The following PTCSC3 variants were observed in gnomAD, a reference collection of about 807,000 sequenced individuals.
The protein encoded by PTCSC3 is papillary thyroid carcinoma susceptibility candidate 3 (non-protein coding).
chr14:36,167,200 T>A (rs1248319375), intron 1 of PTCSC3, among the ~76,000 whole-genome samples: 1 of 152,214 alleles, frequency 6.6e-6, no homozygotes, highest in African/African-American at 2.4e-5. Flanking sequence ...AGATGATTAA[T>A]CCTATTTCTG....
chr14:36,162,966 C>G (rs1882001172), intron 1 of PTCSC3, among the ~76,000 whole-genome samples: 1 of 151,378 alleles, frequency 6.6e-6, no homozygotes, highest in African/African-American at 2.4e-5. Context: ...GGATGGTAGT[C>G]TTTTTTCTTT....
chr14:36,143,184 G>C (rs1399272772), intron 3 of PTCSC3, among the ~76,000 whole-genome samples: 1 of 148,220 alleles, frequency 6.7e-6, no homozygotes, highest in Non-Finnish European at 1.5e-5. Context: ...GTAATGGGAT[G>C]GCTGGGTCAA....
At position 36,156,854 on chromosome 14, in the gene PTCSC3, A is replaced by G. The variant is rs139217830; in HGVS notation, n.232-2960T>C. 2.4e-3 allele frequency among the ~76,000 whole-genome samples: 372 copies of G among 152,268 alleles called. 3 individuals are homozygous for G. Among genetic ancestry groups the G allele is most frequent in the African/African-American group, 8.3e-3 (346 of 41,540 alleles). On this transcript the variant is annotated intron_variant and non_coding_transcript_variant, in intron 2 of 3. Transcript: ENST00000556013. ...TTGGTTCCAAGTGTTTGCTGTTGTG[A>G]ACAGTGCCACAATAAACATGCATGT...
intron 3 of PTCSC3, among the ~76,000 whole-genome samples, chr14:36,151,507 T>C (rs984034655): frequency 6.6e-6 from 1 of 152,244 alleles, no homozygotes; most frequent in African/African-American, 2.4e-5. Context: ...TCCCATTATA[T>C]GTATGTTGTA....
chr14:36,171,674 A>G (rs1375646300), intron 1 of PTCSC3, among the ~76,000 whole-genome samples: 3 of 152,046 alleles, frequency 2.0e-5, no homozygotes, highest in Admixed American at 6.6e-5. Context: ...ATCAGTTTCA[A>G]CCCCGGGGGA....
intron 1 of PTCSC3, among the ~76,000 whole-genome samples, chr14:36,170,457 C>T (rs1353464947): frequency 6.6e-6 from 1 of 152,126 alleles, no homozygotes; most frequent in African/African-American, 2.4e-5. Context: ...ATACCCTACT[C>T]CTACTGTACT....
chr14:36,170,235 T>G (rs373784435), intron 1 of PTCSC3, among the ~76,000 whole-genome samples: 16 of 152,030 alleles, frequency 1.1e-4, no homozygotes, highest in Admixed American at 1.3e-4. Context: ...GAATTTCCCA[T>G]GTTCGCATTA....
At chr14:36,143,103 T>C (rs150467221) in intron 3 of PTCSC3, among the ~76,000 whole-genome samples, 64,458 of 148,696 alleles carry the variant, frequency 0.43, 16,193 homozygotes, top group Non-Finnish European at 0.57. Flanking sequence ...TTGTGAATAG[T>C]GCCGCAATAA....
chr14:36,160,238 T>C (rs1410793174), intron 2 of PTCSC3, among the ~76,000 whole-genome samples: 1 of 152,194 alleles, frequency 6.6e-6, no homozygotes, highest in African/African-American at 2.4e-5. Flanking sequence ...TTAAGGTTAA[T>C]ATTGTTATGT....
At chr14:36,152,048 G>C (rs1167620816) in intron 3 of PTCSC3, among the ~76,000 whole-genome samples, 1 of 135,224 alleles carries the variant, frequency 7.4e-6, no homozygotes, top group Non-Finnish European at 1.6e-5. Context: ...CTCTTGTTGT[G>C]AGGACAGGAA....
At chr14:36,158,465 G>A (rs1013615918) in intron 2 of PTCSC3, among the ~76,000 whole-genome samples, 4 of 152,138 alleles carry the variant, frequency 2.6e-5, no homozygotes, top group African/African-American at 9.7e-5. Context: ...TAGCATGAAG[G>A]GGTGTTGAAT....
intron 3 of PTCSC3, among the ~76,000 whole-genome samples, chr14:36,140,918 G>T (rs1881404239): frequency 6.6e-6 from 1 of 152,034 alleles, no homozygotes; most frequent in African/African-American, 2.4e-5. Flanking sequence ...AAGGTGTAAG[G>T]TCTGTGTCTC....
chr14:36,142,586 T>C (rs1033702088), intron 3 of PTCSC3, among the ~76,000 whole-genome samples: 1 of 152,224 alleles, frequency 6.6e-6, no homozygotes, highest in Non-Finnish European at 1.5e-5. Flanking sequence ...TTTGGTAGAA[T>C]TCACCAGTGA....
intron 2 of PTCSC3, among the ~76,000 whole-genome samples, chr14:36,156,203 T>C (rs982110569): frequency 2.6e-5 from 4 of 152,254 alleles, no homozygotes; most frequent in East Asian, 3.8e-4. Context: ...AGAACAGCTC[T>C]ACCTTTGGTG....
chr14:36,136,526 G>T (rs753278786), intron 3 of PTCSC3, among the ~76,000 whole-genome samples: 2 of 152,270 alleles, frequency 1.3e-5, no homozygotes, highest in Middle Eastern at 6.8e-3. Flanking sequence ...AAGAGAGAGG[G>T]TAGCCAGTTT....
Position 36,154,711 on chromosome 14 carries a change from CCTCT to C in PTCSC3, n.232-821_232-818del, listed in dbSNP as rs552605380. On this transcript the variant is annotated intron_variant and non_coding_transcript_variant, in intron 2 of 3. Transcript: ENST00000556013. Reference sequence around the variant, plus strand: ...ATCAGGAGCACAAGAGGAGTAGAGGCCTCTCTCTCTTTCCTCTTTCTCTCTCTGG... The same window carrying C: ...ATCAGGAGCACAAGAGGAGTAGAGGCCTCTCTTTCCTCTTTCTCTCTCTGG... Among the ~76,000 whole-genome samples, 9 of 151,998 alleles carry C rather than the reference CCTCT, an allele frequency of 5.9e-5. No homozygotes were observed. The South Asian group carries it at 8.4e-4, about 14-fold the overall frequency.
intron 2 of PTCSC3, among the ~76,000 whole-genome samples, chr14:36,157,964 G>T (rs1881866205): frequency 6.6e-6 from 1 of 152,144 alleles, no homozygotes; most frequent in African/African-American, 2.4e-5. Context: ...CCTTGAAGAG[G>T]TCCTTCACAT....
chr14:36,166,035 C>T (rs182742562), intron 1 of PTCSC3, among the ~76,000 whole-genome samples: 102 of 152,198 alleles, frequency 6.7e-4, no homozygotes, highest in African/African-American at 2.3e-3. Context: ...AAAAATTACC[C>T]GAAAGAACTG....
In PTCSC3 at chr14:36,172,816, C is replaced by A. The variant is rs1028175111; in HGVS notation, n.171+3482G>T. Among the ~76,000 whole-genome samples, 3 of 152,254 alleles carry A rather than the reference C, an allele frequency of 2.0e-5. No individual in the cohort carries two copies. The South Asian group carries it at 6.2e-4, about 32-fold the overall frequency. ...TAGGATTTCTGTCAATTATTACATT[C>A]TCCCATCTCAAAAAGCCTCCCAGCC... is the stretch of plus-strand genomic sequence containing the variant. On this transcript the variant is annotated intron_variant and non_coding_transcript_variant, in intron 1 of 3. Transcript: ENST00000556013.
Sources: allele counts gnomAD v4.1 joint callset (sites outside exome capture counted in the v4.1 genomes callset), GRCh38; gene constraint gnomAD v4.1.1; transcripts MANE v1.5; gene names NCBI Gene and HGNC (gene_info 2026-07-23, HGNC 2026-07-21).